AADAT: variants seen among roughly 807,000 people sequenced by gnomAD.
The protein encoded by AADAT is kynurenine/alpha-aminoadipate aminotransferase, mitochondrial.
AADAT carries 25 observed loss-of-function variants against 56.2 expected under a neutral mutation model. The observed-to-expected ratio is 0.44, with a 90% CI of 0.32 to 0.62. AADAT has a LOEUF of 0.62. AADAT is among the 20% of genes least tolerant of loss of function. The pLI is 0.04. For missense variants in AADAT, 387 were observed against 510.5 expected (o/e 0.76, Z 2.33); for synonymous variants, 173 against 164.7 (o/e 1.05, Z -0.39).
chr4:170,062,657 G>C (rs879265443), intron 11 of AADAT, among the ~76,000 whole-genome samples: 2 of 152,186 alleles, frequency 1.3e-5, no homozygotes, highest in African/African-American at 2.4e-5. Flanking sequence ...TTCTTCCTGG[G>C]CATCACATGT....
At position 170,067,359 on chromosome 4, in the gene AADAT, C is replaced by T; in HGVS notation, c.930G>A (p.Trp310Ter). The change falls in exon 9 of 13, where the codon TGG becomes TGA. Residue 310 changes from tryptophan to a stop codon, truncating the protein, a stop_gained. Coordinates refer to ENST00000337664, the MANE Select transcript of AADAT (RefSeq NM_016228.4). LOFTEE classifies it high-confidence loss of function. ...QLMISQLLHEWGEEGFMAHVD... is the reference protein window; with the variant it reads ...QLMISQLLHE ...CATGAGCCATGAAACCTTCTTCTCCCCATTCGTGTAGAAGCTGTGATATCA... is the reference window on the plus strand; with the variant it reads ...CATGAGCCATGAAACCTTCTTCTCCTCATTCGTGTAGAAGCTGTGATATCA... 1 of 1,613,392 alleles carries T rather than the reference C, an allele frequency of 6.2e-7. No homozygotes were observed. The highest frequency in any genetic ancestry group is 8.5e-7 in the Non-Finnish European group (1 of 1,179,606).
chr4:170,078,076 G>T (rs551557955), intron 4 of AADAT, among the ~76,000 whole-genome samples: 1 of 152,046 alleles, frequency 6.6e-6, no homozygotes, highest in African/African-American at 2.4e-5. Flanking sequence ...ACAGTTCCAC[G>T]GATCTAACCT....
intron 11 of AADAT, 35 bp from the exon 12 acceptor site, chr4:170,062,028 C>A (rs1731217491): frequency 1.4e-6 from 2 of 1,458,700 alleles, no homozygotes; most frequent in South Asian, 1.2e-5. Context: ...TAATGTACCA[C>A]TAAAGAAAAA....
chr4:170,094,178 T>G (rs1384256669), upstream of AADAT, among the ~76,000 whole-genome samples: 1 of 152,174 alleles, frequency 6.6e-6, no homozygotes, highest in Non-Finnish European at 1.5e-5. Context: ...GCTAATGGAA[T>G]GCAGGGGCAC....
intron 3 of AADAT, among the ~76,000 whole-genome samples, chr4:170,084,705 A>G (rs1223977254): frequency 1.3e-5 from 2 of 152,178 alleles, no homozygotes; most frequent in African/African-American, 2.4e-5. Context: ...TCCCCAACTG[A>G]CCTGTGATGT....
intron 4 of AADAT, among the ~76,000 whole-genome samples, chr4:170,074,786 A>G (rs1280013043): frequency 6.6e-6 from 1 of 152,148 alleles, no homozygotes; most frequent in Non-Finnish European, 1.5e-5. Context: ...ACCAATTGCT[A>G]AGGCTGAACT....
Position 170,068,691 on chromosome 4 carries a change from C to T in AADAT, c.804-4G>A, listed in dbSNP as rs371382324. 75 of 1,572,796 alleles carry T rather than the reference C, an allele frequency of 4.8e-5. No homozygotes were observed. The highest frequency in any genetic ancestry group is 3.7e-4 in the Admixed American group (18 of 48,274). ...AGTTAAAAATCCTATTCTCAACCTA[C>T]GTGGAAAGAGAAAAGGCACGATACC... On this transcript the variant is annotated splice_polypyrimidine_tract_variant and splice_region_variant and intron_variant, in intron 7 of 12. Transcript: ENST00000337664.
At chr4:170,061,126 C>A (rs559713231) in intron 12 of AADAT, among the ~76,000 whole-genome samples, 157 bp from the exon 13 acceptor site, 1 of 152,212 alleles carries the variant, frequency 6.6e-6, no homozygotes, top group South Asian at 2.1e-4. Context: ...GTGCAGGATG[C>A]CATCAATTTC....
chr4:170,062,052 T>G (rs1286067401), intron 11 of AADAT, 59 bp from the exon 12 acceptor site: 2 of 1,160,294 alleles, frequency 1.7e-6, no homozygotes, highest in Non-Finnish European at 2.5e-6. Context: ...AAAGATAATA[T>G]AGTTAAGCCT....
intron 11 of AADAT, among the ~76,000 whole-genome samples, 199 bp from the exon 12 acceptor site, chr4:170,062,192 A>C (rs948340234): frequency 6.6e-6 from 1 of 152,238 alleles, no homozygotes; most frequent in African/African-American, 2.4e-5. Context: ...AACTGAAAAA[A>C]TGTTCAGAAT....
At chr4:170,094,163 G>A (rs963880222), upstream of AADAT, among the ~76,000 whole-genome samples, 36 of 152,196 alleles carry the variant, frequency 2.4e-4, no homozygotes, top group African/African-American at 8.2e-4. Context: ...GGCCCATCAG[G>A]GCAGGCTAAT....
chr4:170,077,364 C>A lies in AADAT; in HGVS notation c.444+1145G>T, dbSNP rs1732090591. 2.0e-5 allele frequency among the ~76,000 whole-genome samples: 3 copies of A among 152,194 alleles called. No individual in the cohort carries two copies. In the South Asian group the frequency reaches 6.2e-4, roughly 32 times the overall value. Reference sequence around the variant, plus strand: ...CATTTATTTGAGTTTTGCTTAATTTCTTTCAGCAAAATTTTTCAGTTTTTA... The same window carrying A: ...CATTTATTTGAGTTTTGCTTAATTTATTTCAGCAAAATTTTTCAGTTTTTA... On this transcript the variant is annotated intron_variant, in intron 4 of 12. Transcript: ENST00000337664.
intron 11 of AADAT, 72 bp downstream of exon 11, chr4:170,064,647 A>G: frequency 8.3e-7 from 1 of 1,208,528 alleles, no homozygotes; most frequent in Non-Finnish European, 1.2e-6. Context: ...TTTCCATTCT[A>G]TTCAAGCAAA....
intron 12 of AADAT, 77 bp from the exon 13 acceptor site, chr4:170,061,046 CCAAA>C (rs1233899368): frequency 9.2e-7 from 1 of 1,090,340 alleles, no homozygotes; most frequent in African/African-American, 1.6e-5. Context: ...CTTTAAAAAT[CCAAA>C]CAAAGAGTAT....
At chr4:170,068,448 T>C in intron 8 of AADAT, 143 bp downstream of exon 8, 1 of 554,226 alleles carries the variant, frequency 1.8e-6, no homozygotes, top group Non-Finnish European at 3.1e-6. Context: ...AACCCATTTC[T>C]TTAGAAAGAT....
intron 4 of AADAT, among the ~76,000 whole-genome samples, chr4:170,076,330 T>A (rs560111780): frequency 3.3e-5 from 5 of 152,214 alleles, no homozygotes; most frequent in African/African-American, 9.6e-5. Flanking sequence ...TTTAAAAAAA[T>A]TTTTTCCCCA....
chr4:170,069,255 T>C (rs1731642529), intron 6 of AADAT, 25 bp from the exon 7 acceptor site: 2 of 1,591,704 alleles, frequency 1.3e-6, no homozygotes, highest in Non-Finnish European at 1.7e-6. Context: ...TAAAAAATAC[T>C]GTTGGTCTGA....
At chr4:170,081,280 AAG>A (rs1732291487) in intron 3 of AADAT, among the ~76,000 whole-genome samples, 1 of 152,180 alleles carries the variant, frequency 6.6e-6, no homozygotes, top group Non-Finnish European at 1.5e-5. Context: ...AAAAAGAAAA[AAG>A]AACAAAGAGT....
Position 170,061,966 on chromosome 4 carries a change from A to C in AADAT, c.1162T>G (p.Tyr388Asp). Residue 388 changes from tyrosine to aspartate, a missense_variant, in exon 12 of 13, where the codon TAC becomes GAC. Coordinates refer to ENST00000337664, the MANE Select transcript of AADAT (RefSeq NM_016228.4). ...GVLMLPGNAF[Y>D]VDSSAPSPYL... ...GGGCTAGGAGCTGAGCTATCGACGT[A>C]GAAAGCATTTCCAGGGAGCATTAAT... The C allele has an allele frequency of 6.2e-7, 1 of 1,612,954 alleles. No homozygotes were observed. The highest frequency in any genetic ancestry group is 1.1e-5 in the South Asian group (1 of 91,028).
Sources: gnomAD v4.1 joint callset for allele counts (sites outside exome capture counted in the v4.1 genomes callset) on GRCh38, gnomAD v4.1.1 for gene constraint, MANE v1.5 for transcripts, NCBI Gene and HGNC (gene_info 2026-07-23, HGNC 2026-07-21) for gene names.